Variants in NUMBL observed in about 807,000 individuals in gnomAD.
NUMBL encodes the protein NUMB like endocytic adaptor protein, also known as numb-like protein.
Under a neutral mutation model 48.9 loss-of-function variants are expected in NUMBL, and 20 were observed. The ratio of observed to expected loss-of-function variants is 0.41; its 90% CI spans 0.29 to 0.59. The LOEUF is 0.59. NUMBL is among the 20% of genes least tolerant of loss of function. The pLI is 0.31. For synonymous variants in NUMBL, 340 were observed against 348.7 expected, an observed-to-expected ratio of 0.98 and a Z score of 0.28; for missense variants, 660 against 846.2, an observed-to-expected ratio of 0.78 and a Z score of 2.73.
chr19:40,667,467 G>T lies in NUMBL; in HGVS notation c.*1C>A. The T allele has an allele frequency of 6.2e-7, 1 of 1,601,994 alleles. No individual in the cohort carries two copies. The highest frequency in any genetic ancestry group is 1.7e-5 in the Admixed American group (1 of 58,122). Reference sequence around the variant, plus strand: ...TGATGGAGTGGGTGGGGCGGCTCGGGCTACAGTTCAATCTCGAATGTCTTT... The same window carrying T: ...TGATGGAGTGGGTGGGGCGGCTCGGTCTACAGTTCAATCTCGAATGTCTTT... On this transcript the variant is annotated 3_prime_UTR_variant, in exon 10 of 10. Coordinates refer to ENST00000252891, the MANE Select transcript of NUMBL (RefSeq NM_004756.5). This position sits in a 1 kb window ranked among gnomAD's most constrained non-coding sequence, Gnocchi z 6.1.
At chr19:40,684,801 A>C in intron 2 of NUMBL, 5 of 326,588 alleles carry the variant, frequency 1.5e-5, no homozygotes, top group Non-Finnish European at 1.7e-5. Flanking sequence ...CATGGGGCTA[A>C]GGGGCTGGAG....
chr19:40,672,127 G>C (rs539589466), intron 8 of NUMBL, among the ~76,000 whole-genome samples: 8 of 152,246 alleles, frequency 5.3e-5, no homozygotes, highest in South Asian at 2.1e-4. Context: ...TGATCTGCCT[G>C]CCTTGGCCTC....
chr19:40,674,897 G>C (rs148089106), intron 7 of NUMBL, among the ~76,000 whole-genome samples: 64 of 152,180 alleles, frequency 4.2e-4, no homozygotes, highest in African/African-American at 1.5e-3. Flanking sequence ...CCAGCACTTT[G>C]AGAGGCCAAG....
At chr19:40,680,533 C>T (rs990588590) in intron 6 of NUMBL, among the ~76,000 whole-genome samples, 2 of 152,006 alleles carry the variant, frequency 1.3e-5, no homozygotes, top group African/African-American at 4.8e-5. Flanking sequence ...ACTGCAACCT[C>T]CACCTCCCGG....
At position 40,686,961 on chromosome 19, in the gene NUMBL, G is replaced by A. The variant is rs1223388188; in HGVS notation, c.59C>T (p.Pro20Leu). ...GGGCCCCGGGGCCCCACAGGGGGCT[G>A]GGGGCAGGTGCCGCTCAGGCCTCCG... Reference protein sequence around the residue: ...GPRRPERHLPPAPCGAPGPPE... With the variant: ...GPRRPERHLPLAPCGAPGPPE... The change falls in exon 2 of 10, where the codon CCA becomes CTA. Residue 20 changes from proline to leucine, a missense_variant. This residue lies in a region of NUMBL where 86 missense variants were observed against 85.9 expected (regional missense o/e 1.00). Coordinates refer to ENST00000252891, the MANE Select transcript of NUMBL (RefSeq NM_004756.5). 3.9e-6 allele frequency: 6 copies of A among 1,536,150 alleles called. No individual in the cohort carries two copies. The South Asian group carries it at 7.2e-5, about 19-fold the overall frequency.
At chr19:40,684,913 G>C (rs943796340) in intron 2 of NUMBL, 4 of 260,836 alleles carry the variant, frequency 1.5e-5, no homozygotes, top group African/African-American at 9.1e-5. Flanking sequence ...GGACACAAAG[G>C]GTGGGAAATC....
In NUMBL at chr19:40,677,412, G is replaced by C; in HGVS notation, c.550C>G (p.Leu184Val). Residue 184 changes from leucine (L) to valine (V), a missense_variant, in exon 7 of 10, where the codon CTG becomes GTG. Leu to Val is a conservative substitution (Grantham distance 32). Coordinates refer to ENST00000252891, the MANE Select transcript of NUMBL (RefSeq NM_004756.5). ...FLALKDSGER[L>V]SHAVGCAFAA... The stretch of plus-strand genomic sequence containing the variant: ...AAAGCACAGCCCACAGCGTGGCTCA[G>C]CCTCTCGCCCTATGGGGAGAGGATG... 1 of 1,608,970 alleles carries C rather than the reference G, an allele frequency of 6.2e-7. No homozygotes were observed.
At position 40,667,824 on chromosome 19, in the gene NUMBL, G is replaced by T. The variant is rs771696664; in HGVS notation, c.1474C>A (p.Pro492Thr). 6.3e-7 allele frequency: 1 copy of T among 1,588,482 alleles called. No homozygotes were observed. Among genetic ancestry groups the T allele is most frequent in the Non-Finnish European group, 8.6e-7 (1 of 1,167,812 alleles). ...PPPHMQPPFV[P>T]AYPGLGYPPM... The stretch of plus-strand genomic sequence containing the variant: ...GGGTAGCCCAAGCCCGGGTAGGCGG[G>T]CACAAAAGGGGGCTGCATGTGTGGG... The change falls in exon 10 of 10, where the codon CCC becomes ACC. Residue 492 changes from proline to threonine, a missense_variant. Physicochemically the swap from Pro to Thr is conservative, Grantham distance 38 (BLOSUM62 -1). This residue lies in a region of NUMBL where 296 missense variants were observed against 339.7 expected (regional missense o/e 0.87). Transcript: ENST00000252891. This position sits in a 1 kb window ranked among gnomAD's most constrained non-coding sequence, Gnocchi z 6.1.
At chr19:40,684,357 C>A (rs1353954565) in intron 3 of NUMBL, 60 bp downstream of exon 3, 3 of 1,511,756 alleles carry the variant, frequency 2.0e-6, no homozygotes, top group Non-Finnish European at 2.7e-6. Flanking sequence ...CGCACCCGCA[C>A]AGCACAGCAC....
Position 40,666,754 on chromosome 19 carries a change from A to T in NUMBL, c.*714T>A, listed in dbSNP as rs970923972. 2.6e-5 allele frequency: 4 copies of T among 152,768 alleles called. No homozygotes were observed. Among genetic ancestry groups the T allele is most frequent in the Non-Finnish European group, 4.4e-5 (3 of 68,150 alleles). The allele number at this position is 152,768 out of a possible 1,614,324, so 9.5% of individuals were successfully genotyped here. On this transcript the variant is annotated 3_prime_UTR_variant, in exon 10 of 10. Coordinates refer to ENST00000252891, the MANE Select transcript of NUMBL (RefSeq NM_004756.5). ...AATCTTCAAGTTTAGATACAAAAAA[A>T]ATCTGGAAATAAAAGATAGAAAAGT... is the stretch of plus-strand genomic sequence containing the variant.
In NUMBL at chr19:40,673,620, G is replaced by A. The variant is rs943751016; in HGVS notation, c.760C>T (p.Pro254Ser). ...ACGTGCCCAGGCTGGGCAGGGCCAG[G>A]AGCCACAGTGGGGGCAGCTGCTGCC... Reference protein sequence around the residue: ...AEAAAAPTVAPGPAQPGHVSP... With the variant: ...AEAAAAPTVASGPAQPGHVSP... The change falls in exon 8 of 10, where the codon CCT (proline) becomes TCT (serine). Residue 254 changes from proline (P) to serine (S), a missense_variant. By Grantham distance (74) the Pro-to-Ser change is moderately conservative. Transcript: ENST00000252891. This position sits in a 1 kb window ranked among gnomAD's most constrained non-coding sequence, Gnocchi z 5.9. 4 of 1,507,824 alleles carry A rather than the reference G, an allele frequency of 2.7e-6. No homozygotes were observed. The highest frequency in any genetic ancestry group is 8.9e-7 in the Non-Finnish European group (1 of 1,123,352). The allele number at this position is 1,507,824 out of a possible 1,614,324, so 93.4% of individuals were successfully genotyped here. A position where few individuals can be genotyped will look rare whatever the true frequency, so the allele number is the denominator to read the frequency against.
intron 7 of NUMBL, 37 bp downstream of exon 7, chr19:40,677,195 C>T: frequency 6.5e-7 from 1 of 1,546,142 alleles, no homozygotes; most frequent in East Asian, 2.4e-5. Context: ...ACCCTGTGCC[C>T]ACTCTGTGCT....
chr19:40,670,326 T>C (rs1181458983), intron 8 of NUMBL, among the ~76,000 whole-genome samples: 1 of 152,086 alleles, frequency 6.6e-6, no homozygotes, highest in African/African-American at 2.4e-5. Flanking sequence ...CATATATTAG[T>C]TTAAAAATAT....
rs776257470 is a variant in NUMBL at position 40,673,326 on chromosome 19, A to G, written c.1036+18T>C. 2.5e-6 allele frequency: 4 copies of G among 1,589,580 alleles called. No individual in the cohort carries two copies. In the East Asian group the frequency reaches 9.0e-5, roughly 36 times the overall value. ...CCAATTGATTCCAACGCCGTTTCCCACTGGGCCCAGGGCTCACCTGTGCCC... is the reference window on the plus strand; with the variant it reads ...CCAATTGATTCCAACGCCGTTTCCCGCTGGGCCCAGGGCTCACCTGTGCCC... On this transcript the variant is annotated intron_variant, in intron 8 of 9. Coordinates refer to ENST00000252891, the MANE Select transcript of NUMBL (RefSeq NM_004756.5). This position sits in a 1 kb window ranked among gnomAD's most constrained non-coding sequence, Gnocchi z 5.9.
chr19:40,681,094 A>G, intron 5 of NUMBL, 37 bp from the exon 6 acceptor site: 1 of 1,609,078 alleles, frequency 6.2e-7, no homozygotes, highest in Non-Finnish European at 8.5e-7. Context: ...AAGAGTGTGA[A>G]CTCTCTTTCA....
At chr19:40,671,346 G>A (rs968547615) in intron 8 of NUMBL, among the ~76,000 whole-genome samples, 18 of 149,726 alleles carry the variant, frequency 1.2e-4, no homozygotes, top group African/African-American at 4.0e-4. Flanking sequence ...CTGTGAGTTT[G>A]TGACTTCTGA....
rs369975419 is a variant in NUMBL at position 40,667,460 on chromosome 19, G to A, written c.*8C>T. On this transcript the variant is annotated 3_prime_UTR_variant, in exon 10 of 10. Coordinates refer to ENST00000252891, the MANE Select transcript of NUMBL (RefSeq NM_004756.5). This position sits in a 1 kb window ranked among gnomAD's most constrained non-coding sequence, Gnocchi z 6.1. ...CTGGAGATGATGGAGTGGGTGGGGC[G>A]GCTCGGGCTACAGTTCAATCTCGAA... The A allele has an allele frequency of 1.6e-4, 262 of 1,602,048 alleles. 1 individual carries two copies. Among genetic ancestry groups the A allele is most frequent in the Middle Eastern group, 7.0e-4 (4 of 5,692 alleles).
intron 6 of NUMBL, among the ~76,000 whole-genome samples, 174 bp downstream of exon 6, chr19:40,680,743 C>T (rs997459409): frequency 1.3e-5 from 2 of 152,178 alleles, no homozygotes; most frequent in East Asian, 3.9e-4. Context: ...GCCACTGCAC[C>T]CGGCCCTCAC....
In NUMBL at chr19:40,673,319, G is replaced by A. The variant is rs1253172724; in HGVS notation, c.1036+25C>T. The stretch of plus-strand genomic sequence containing the variant: ...GATAGTGCCAATTGATTCCAACGCC[G>A]TTTCCCACTGGGCCCAGGGCTCACC... On this transcript the variant is annotated intron_variant, in intron 8 of 9. Transcript: ENST00000252891. This position sits in a 1 kb window ranked among gnomAD's most constrained non-coding sequence, Gnocchi z 5.9. 29 of 1,581,792 alleles carry A rather than the reference G, an allele frequency of 1.8e-5. No homozygotes were observed. The highest frequency in any genetic ancestry group is 2.7e-5 in the African/African-American group (2 of 73,918).
Sources: allele counts gnomAD v4.1 joint callset (sites outside exome capture counted in the v4.1 genomes callset), GRCh38; gene constraint gnomAD v4.1.1; regional missense constraint gnomAD v4.1.1; non-coding constraint Gnocchi (gnomAD v3.1); transcripts MANE v1.5; gene names NCBI Gene and HGNC (gene_info 2026-07-23, HGNC 2026-07-21).